Variants in ATF7IP2 observed in about 807,000 individuals in gnomAD.
The protein encoded by ATF7IP2 is activating transcription factor 7 interacting protein 2, also known as activating transcription factor 7-interacting protein 2.
In ATF7IP2, 42 loss-of-function variants were observed where a neutral mutation model predicts 64.2. The observed-to-expected ratio is 0.65, with a 90% CI of 0.51 to 0.85. The LOEUF (loss-of-function observed/expected upper bound fraction) is 0.85. Among genes scored for constraint, ATF7IP2 ranks in the 40% least tolerant of loss-of-function variants. The probability of loss-of-function intolerance (pLI) is 0.00; values close to 1 mark genes in which losing one functional copy is unlikely to be tolerated. For synonymous variants in ATF7IP2, 308 were observed against 272.8 expected (o/e 1.13, Z -1.27); for missense variants, 933 against 784.2 (o/e 1.19, Z -2.27).
rs2050310473 is a variant in ATF7IP2, at chr16:10,483,467, T to C, written c.*1218T>C. The C allele has an allele frequency of 3.3e-5, 5 of 152,130 alleles. No individual in the cohort carries two copies. Among genetic ancestry groups the C allele is most frequent in the Admixed American group, 3.3e-4 (5 of 15,278 alleles). 9.4% of individuals were successfully genotyped at this position (152,130 alleles called of 1,614,324 possible). On this transcript the variant is annotated 3_prime_UTR_variant, in exon 14 of 14. Coordinates refer to ENST00000562102, the MANE Select transcript of ATF7IP2 (RefSeq NM_001393719.1). ...AATGGAGGCAAACTTGAGCAAATAA[T>C]TGGGATGATAAGAAACAAAAATAAT...
intron 7 of ATF7IP2, among the ~76,000 whole-genome samples, chr16:10,438,545 A>ATG (rs1220876835): frequency 6.6e-6 from 1 of 151,596 alleles, no homozygotes; most frequent in Non-Finnish European, 1.5e-5. Context: ...GCGTCACCAC[A>ATG]CCTGGCCCAT....
At chr16:10,413,073 T>C (rs2047803108) in intron 1 of ATF7IP2, among the ~76,000 whole-genome samples, 1 of 152,200 alleles carries the variant, frequency 6.6e-6, no homozygotes, top group South Asian at 2.1e-4. Flanking sequence ...GGTGAGTCTC[T>C]TCAAGGCAGG....
chr16:10,472,325 G>C, intron 10 of ATF7IP2, 142 bp downstream of exon 10: 1 of 453,078 alleles, frequency 2.2e-6, no homozygotes, highest in Non-Finnish European at 3.9e-6. Flanking sequence ...TTTATATCAT[G>C]GTTAATATTA....
intron 1 of ATF7IP2, among the ~76,000 whole-genome samples, chr16:10,405,574 T>C (rs2047621514): frequency 6.6e-6 from 1 of 152,128 alleles, no homozygotes; most frequent in Non-Finnish European, 1.5e-5. Context: ...GAAACATTCT[T>C]ATCACATCCT....
intron 3 of ATF7IP2, among the ~76,000 whole-genome samples, chr16:10,426,153 G>A (rs1440124022): frequency 6.6e-6 from 1 of 152,176 alleles, no homozygotes; most frequent in Non-Finnish European, 1.5e-5. Flanking sequence ...TAAAACTTGA[G>A]AAAATGTAAT....
chr16:10,412,011 T>G (rs7188375), intron 1 of ATF7IP2, among the ~76,000 whole-genome samples: 23,306 of 37,256 alleles, frequency 0.63, 5,442 homozygotes, highest in East Asian at 0.7. Context: ...TCTTTTTTTG[T>G]TTTTTTTTTT....
At chr16:10,471,701 A>G (rs183904778) in intron 9 of ATF7IP2, among the ~76,000 whole-genome samples, 218 of 152,308 alleles carry the variant, frequency 1.4e-3, no homozygotes, top group Non-Finnish European at 2.4e-3. Flanking sequence ...TCTTTGTTAT[A>G]GTTTTCTACC....
At chr16:10,480,774 T>A in intron 12 of ATF7IP2, 105 bp from the exon 13 acceptor site, 1 of 802,556 alleles carries the variant, frequency 1.2e-6, no homozygotes, top group Admixed American at 2.1e-5. Flanking sequence ...TTTTATAATT[T>A]TAATTCACAT....
intron 1 of ATF7IP2, among the ~76,000 whole-genome samples, chr16:10,392,361 G>C (rs548507044): frequency 4.7e-5 from 7 of 149,430 alleles, no homozygotes; most frequent in African/African-American, 1.7e-4. Context: ...TTTTAAACTG[G>C]AGATGACATC....
chr16:10,396,867 G>C lies in ATF7IP2; in HGVS notation c.-242+10745G>C, dbSNP rs372351000. ...ATTTTTGTAGTGACAAGATTTCCTT[G>C]TATTGCCCAGGGTGGTCTCAAACTC... On this transcript the variant is annotated intron_variant, in intron 1 of 13. Transcript: ENST00000562102. 7.3e-5 allele frequency among the ~76,000 whole-genome samples: 11 copies of C among 151,642 alleles called. 1 individual carries two copies. The highest frequency in any genetic ancestry group is 5.9e-4 in the Admixed American group (9 of 15,218).
intron 3 of ATF7IP2, among the ~76,000 whole-genome samples, chr16:10,425,682 T>G (rs1269180127): frequency 1.3e-5 from 2 of 151,908 alleles, no homozygotes. Context: ...TCACCTGAGG[T>G]TGGGAGTTTG....
At chr16:10,480,348 G>A (rs976371982) in intron 12 of ATF7IP2, among the ~76,000 whole-genome samples, 5 of 151,344 alleles carry the variant, frequency 3.3e-5, no homozygotes, top group South Asian at 4.2e-4. Flanking sequence ...CACATTTTTC[G>A]TGTTCCCTTC....
chr16:10,463,604 C>A (rs2049447018), intron 9 of ATF7IP2, among the ~76,000 whole-genome samples: 1 of 152,138 alleles, frequency 6.6e-6, no homozygotes, highest in African/African-American at 2.4e-5. Context: ...CCTGGTCAGA[C>A]CTTTGGTGAC....
intron 1 of ATF7IP2, among the ~76,000 whole-genome samples, chr16:10,388,461 T>A (rs550112495): frequency 6.6e-6 from 1 of 152,326 alleles, no homozygotes; most frequent in East Asian, 1.9e-4. Context: ...GGTCATAAGT[T>A]TCATTAGTAT....
At chr16:10,404,600 G>A (rs929897649) in intron 1 of ATF7IP2, among the ~76,000 whole-genome samples, 31 of 152,116 alleles carry the variant, frequency 2.0e-4, no homozygotes, top group Admixed American at 9.8e-4. Flanking sequence ...ATAGTATGCA[G>A]TGGCACGATC....
intron 1 of ATF7IP2, among the ~76,000 whole-genome samples, chr16:10,399,398 T>C (rs1040229178): frequency 2.0e-5 from 3 of 152,244 alleles, no homozygotes; most frequent in African/African-American, 7.2e-5. Context: ...TTCATTCTTA[T>C]ACATATGTTA....
chr16:10,450,073 T>C (rs190998926), intron 8 of ATF7IP2, among the ~76,000 whole-genome samples: 1 of 152,310 alleles, frequency 6.6e-6, no homozygotes, highest in Non-Finnish European at 1.5e-5. Flanking sequence ...AATTTTGTTA[T>C]TTATCCATTA....
chr16:10,417,810 C>G lies in ATF7IP2; in HGVS notation c.-202-1771C>G, dbSNP rs571369568. On this transcript the variant is annotated intron_variant, in intron 2 of 13. Coordinates refer to ENST00000562102, the MANE Select transcript of ATF7IP2 (RefSeq NM_001393719.1). ...TGACAGTAATCAAGATAATGTGGTA[C>G]AGACCTATACACAAATGGAATAGAA... 8.5e-5 allele frequency among the ~76,000 whole-genome samples: 13 copies of G among 152,318 alleles called. 1 individual carries two copies. In the South Asian group the frequency reaches 2.7e-3, roughly 32 times the overall value.
At chr16:10,443,627 T>C (rs550963545) in intron 8 of ATF7IP2, among the ~76,000 whole-genome samples, 7 of 152,354 alleles carry the variant, frequency 4.6e-5, no homozygotes, top group Admixed American at 1.3e-4. Flanking sequence ...ATAGCTACTT[T>C]AGTTTTGTCA....
Sources: allele counts gnomAD v4.1 joint callset (sites outside exome capture counted in the v4.1 genomes callset), GRCh38; gene constraint gnomAD v4.1.1; transcripts MANE v1.5; gene names NCBI Gene and HGNC (gene_info 2026-07-23, HGNC 2026-07-21).